The following EPS15L1 variants were observed in gnomAD, a reference collection of about 807,000 sequenced individuals.
EPS15L1 encodes epidermal growth factor receptor substrate 15-like 1.
Under a neutral mutation model 117.1 loss-of-function variants are expected in EPS15L1, and 43 were observed. That is an observed-to-expected ratio of 0.37 (90% confidence interval 0.29 to 0.47). The LOEUF (loss-of-function observed/expected upper bound fraction) is 0.47. Ranked by LOEUF, EPS15L1 falls within the 20% of genes least tolerant of loss-of-function variation. The pLI, the probability that EPS15L1 is intolerant of heterozygous loss-of-function variation, is 0.99. For missense variants in EPS15L1, 981 were observed against 1,164.0 expected, an observed-to-expected ratio of 0.84 and a Z score of 2.29; for synonymous variants, 459 against 470.5, an observed-to-expected ratio of 0.98 and a Z score of 0.32.
At chr19:16,440,758 T>A (rs754943682) in intron 4 of EPS15L1, 104 bp downstream of exon 4, 1 of 1,000,742 alleles carries the variant, frequency 1.0e-6, no homozygotes, top group South Asian at 1.3e-5. Context: ...TGCTCATGCC[T>A]AGTAATACTT....
At chr19:16,375,540 TC>T (rs2092284854) in intron 22 of EPS15L1, among the ~76,000 whole-genome samples, 1 of 152,152 alleles carries the variant, frequency 6.6e-6, no homozygotes, top group Non-Finnish European at 1.5e-5. Context: ...CCACTGCCGT[TC>T]CATCAGGAAG....
chr19:16,358,924 A>AG (rs759115960), intron 23 of EPS15L1, among the ~76,000 whole-genome samples: 1 of 152,184 alleles, frequency 6.6e-6, no homozygotes, highest in Non-Finnish European at 1.5e-5. Flanking sequence ...TAATACACAC[A>AG]TTTGCCTGAG....
intron 6 of EPS15L1, chr19:16,436,549 TG>T (rs2092980128): frequency 5.8e-6 from 1 of 173,530 alleles, no homozygotes; most frequent in Admixed American, 6.0e-5. Context: ...GGGACACATT[TG>T]GGGGTCCACG....
chr19:16,373,126 C>T (rs1022060746), intron 22 of EPS15L1, among the ~76,000 whole-genome samples: 2 of 152,220 alleles, frequency 1.3e-5, no homozygotes, highest in Non-Finnish European at 2.9e-5. Flanking sequence ...CAGGTGTCAA[C>T]GCTGTGTGCA....
chr19:16,423,888 G>A (rs563913361), intron 9 of EPS15L1, among the ~76,000 whole-genome samples: 20 of 152,336 alleles, frequency 1.3e-4, no homozygotes, highest in African/African-American at 3.1e-4. Context: ...AAGAAATTAC[G>A]TATGAAATTA....
intron 1 of EPS15L1, among the ~76,000 whole-genome samples, chr19:16,464,622 C>T (rs2093283043): frequency 1.3e-5 from 2 of 152,184 alleles, no homozygotes; most frequent in Non-Finnish European, 1.5e-5. Flanking sequence ...CTGGCTCAGT[C>T]CTCTTTGCCT....
At chr19:16,359,134 C>T (rs1169618329) in intron 23 of EPS15L1, among the ~76,000 whole-genome samples, 2 of 152,160 alleles carry the variant, frequency 1.3e-5, no homozygotes, top group African/African-American at 4.8e-5. Flanking sequence ...CTGGGCTGCT[C>T]CTGCACAGGT....
intron 1 of EPS15L1, among the ~76,000 whole-genome samples, chr19:16,466,185 AG>A (rs775386535): frequency 6.6e-6 from 1 of 152,082 alleles, no homozygotes; most frequent in Non-Finnish European, 1.5e-5. Flanking sequence ...ACAGGGTTTC[AG>A]CATGTTGGCC....
At chr19:16,401,827 C>T in intron 16 of EPS15L1, 1 of 986,402 alleles carries the variant, frequency 1.0e-6, no homozygotes, top group Non-Finnish European at 1.2e-6. Flanking sequence ...GAAAGAGCAA[C>T]ACCCTGGGGC....
rs2092629000 is a variant in EPS15L1 at position 16,403,937 on chromosome 19, T to C, written c.1429-7A>G. ...GCGTTTTCAGTGATGAGATCTGAAA[T>C]GAGATGTTAAAAGATGTTAAAGAGA... is the stretch of plus-strand genomic sequence containing the variant. On this transcript the variant is annotated splice_polypyrimidine_tract_variant and splice_region_variant and intron_variant, in intron 14 of 23. Transcript: ENST00000455140. The C allele has an allele frequency of 1.2e-6, 2 of 1,609,622 alleles. No individual in the cohort carries two copies. Among genetic ancestry groups the C allele is most frequent in the Non-Finnish European group, 1.7e-6 (2 of 1,176,406 alleles).
chr19:16,451,529 A>T (rs970281069), intron 1 of EPS15L1, among the ~76,000 whole-genome samples: 116 of 150,718 alleles, frequency 7.7e-4, no homozygotes, highest in African/African-American at 2.5e-3. Context: ...TATTTATTTT[A>T]TTTTTTTTAT....
At chr19:16,432,980 A>G (rs2092944052) in intron 7 of EPS15L1, among the ~76,000 whole-genome samples, 1 of 147,108 alleles carries the variant, frequency 6.8e-6, no homozygotes, top group Admixed American at 6.8e-5. Flanking sequence ...AGTTTTTTGT[A>G]TTTTTTTTTC....
chr19:16,378,029 G>A (rs2092317107), intron 21 of EPS15L1, among the ~76,000 whole-genome samples: 1 of 152,204 alleles, frequency 6.6e-6, no homozygotes, highest in South Asian at 2.1e-4. Context: ...TAGATGAATG[G>A]ATGGTGGGTG....
At position 16,355,804 on chromosome 19, in the gene EPS15L1, C is replaced by G; in HGVS notation, c.2634G>C (p.Glu878Asp). Reference sequence around the variant, plus strand: ...GCGCCAGCCTCTCCTGTTCCGCCTTCTCGCTCTCCCGCTTGGCCCACGCCA... The same window carrying G: ...GCGCCAGCCTCTCCTGTTCCGCCTTGTCGCTCTCCCGCTTGGCCCACGCCA... The part of the protein sequence containing the change: ...QQLAWAKRES[E>D]KAEQERLARL... The change falls in exon 24 of 24, where the codon GAG becomes GAC. Residue 878 changes from glutamate (E) to aspartate (D), a missense_variant. Physicochemically the swap from Glu to Asp is conservative, Grantham distance 45 (BLOSUM62 2). Coordinates refer to ENST00000455140, the MANE Select transcript of EPS15L1 (RefSeq NM_001258374.3). 6.5e-7 allele frequency: 1 copy of G among 1,536,140 alleles called. No homozygotes were observed.
intron 16 of EPS15L1, chr19:16,400,997 T>C (rs764122170): frequency 4.8e-5 from 47 of 985,110 alleles, no homozygotes; most frequent in Admixed American, 6.2e-5. Flanking sequence ...AGGAGCCGGG[T>C]TGTGAGACGG....
chr19:16,359,794 C>T (rs2144622422), intron 23 of EPS15L1, among the ~76,000 whole-genome samples: 1 of 151,856 alleles, frequency 6.6e-6, no homozygotes, highest in African/African-American at 2.4e-5. Context: ...CCCAGGAGGT[C>T]AAGGCTGCAG....
At chr19:16,395,201 C>CAA (rs368177768) in intron 17 of EPS15L1, 143 bp downstream of exon 17, 2,695 of 457,586 alleles carry the variant, frequency 5.9e-3, no homozygotes, top group Middle Eastern at 9.2e-3. Context: ...AGTTCGTCTC[C>CAA]AAAAAAAAAA....
chr19:16,418,216 G>T (rs1417906862), intron 10 of EPS15L1, 112 bp from the exon 11 acceptor site: 9 of 1,254,712 alleles, frequency 7.2e-6, no homozygotes, highest in Non-Finnish European at 9.9e-6. Flanking sequence ...CAACGGCAGG[G>T]CGTGGTGGCA....
chr19:16,440,658 A>T, intron 4 of EPS15L1: 2 of 420,364 alleles, frequency 4.8e-6, no homozygotes, highest in South Asian at 1.3e-4. Context: ...ATAAATAAAT[A>T]AAAGATACAC....
Sources: allele counts gnomAD v4.1 joint callset (sites outside exome capture counted in the v4.1 genomes callset), GRCh38; gene constraint gnomAD v4.1.1; transcripts MANE v1.5; gene names NCBI Gene and HGNC (gene_info 2026-07-23, HGNC 2026-07-21).